EPHA5: variants seen among roughly 807,000 people sequenced by gnomAD.
The protein encoded by EPHA5 is EPH receptor A5.
Under a neutral mutation model 105.0 loss-of-function variants are expected in EPHA5, and 60 were observed. The observed-to-expected ratio is 0.57, with a 90% confidence interval of 0.46 to 0.71. The LOEUF (loss-of-function observed/expected upper bound fraction) is 0.71. Among genes scored for constraint, EPHA5 ranks in the 30% least tolerant of loss-of-function variants. EPHA5 has a pLI of 0.00. For missense variants in EPHA5, 1,218 were observed against 1,274.7 expected (o/e 0.96, Z 0.68); for synonymous variants, 513 against 449.1 (o/e 1.14, Z -1.80).
intron 3 of EPHA5, among the ~76,000 whole-genome samples, chr4:65,592,337 G>A (rs536359351): frequency 4.7e-4 from 72 of 152,086 alleles, no homozygotes; most frequent in African/African-American, 1.6e-3. Context: ...TATCCTTGGC[G>A]GCCCTGCAAG....
chr4:65,657,443 G>A (rs1303686365), intron 1 of EPHA5, among the ~76,000 whole-genome samples: 2 of 152,148 alleles, frequency 1.3e-5, no homozygotes, highest in Non-Finnish European at 2.9e-5. Context: ...AGTGACCACA[G>A]GATGTCTATG....
chr4:65,381,544 G>T (rs2148930828), intron 8 of EPHA5, among the ~76,000 whole-genome samples: 1 of 151,820 alleles, frequency 6.6e-6, no homozygotes, highest in Non-Finnish European at 1.5e-5. Flanking sequence ...TGATTAAAAA[G>T]AATTTAAACA....
At chr4:65,437,067 C>T (rs62298042) in intron 5 of EPHA5, among the ~76,000 whole-genome samples, 15,332 of 151,764 alleles carry the variant, frequency 0.1, 1,021 homozygotes, top group Middle Eastern at 0.22. Context: ...AATATGTAAA[C>T]GAGATTAAAA....
intron 13 of EPHA5, among the ~76,000 whole-genome samples, chr4:65,348,697 TAA>T (rs869280297): frequency 0.065 from 1,576 of 24,258 alleles, 80 homozygotes; most frequent in South Asian, 0.17. Flanking sequence ...TATATATATA[TAA>T]AATATATATG....
chr4:65,591,109 G>C (rs187856560), intron 3 of EPHA5, among the ~76,000 whole-genome samples: 1 of 152,100 alleles, frequency 6.6e-6, no homozygotes, highest in East Asian at 1.9e-4. Context: ...TTATTAAGGT[G>C]ATGAAACAAG....
intron 3 of EPHA5, among the ~76,000 whole-genome samples, chr4:65,517,154 A>G (rs575129377): frequency 3.7e-4 from 57 of 152,138 alleles, no homozygotes; most frequent in Non-Finnish European, 6.8e-4. Flanking sequence ...TTTTAAATGT[A>G]CATATTTATA....
chr4:65,624,513 G>T (rs1028575469), intron 2 of EPHA5, among the ~76,000 whole-genome samples: 2 of 152,094 alleles, frequency 1.3e-5, no homozygotes, highest in Non-Finnish European at 2.9e-5. Context: ...AAATCCTATT[G>T]TTATAACTCT....
chr4:65,635,248 T>C (rs945726116), intron 2 of EPHA5, among the ~76,000 whole-genome samples: 3 of 152,066 alleles, frequency 2.0e-5, no homozygotes, highest in Admixed American at 1.3e-4. Flanking sequence ...ACTTTTTCTT[T>C]CTCCTCCAGG....
intron 9 of EPHA5, 49 bp from the exon 10 acceptor site, chr4:65,366,106 C>T (rs1200811838): frequency 6.6e-7 from 1 of 1,521,736 alleles, no homozygotes; most frequent in Non-Finnish European, 9.0e-7. Context: ...GATGGATGAG[C>T]AAAATTATGA....
At chr4:65,608,854 A>G (rs1272648700) in intron 2 of EPHA5, among the ~76,000 whole-genome samples, 1 of 152,236 alleles carries the variant, frequency 6.6e-6, no homozygotes, top group East Asian at 1.9e-4. Context: ...GTCTACAATT[A>G]GAAATCTGTG....
intron 3 of EPHA5, among the ~76,000 whole-genome samples, chr4:65,574,645 T>TATATATATATACAC (rs1740638204): frequency 2.4e-5 from 3 of 124,796 alleles, no homozygotes; most frequent in Non-Finnish European, 3.4e-5. Flanking sequence ...TATATACACA[T>TATATATATATACAC]ATATATACAC....
At chr4:65,427,820 CT>C (rs1724592313) in intron 5 of EPHA5, among the ~76,000 whole-genome samples, 1 of 152,128 alleles carries the variant, frequency 6.6e-6, no homozygotes, top group African/African-American at 2.4e-5. Flanking sequence ...TCATGTCTGT[CT>C]TTCAGTATCT....
Position 65,591,843 on chromosome 4 carries a change from C to CT in EPHA5, c.910+9797dup, listed in dbSNP as rs558732810. Among the ~76,000 whole-genome samples the CT allele has an allele frequency of 1.6e-3, 250 of 151,692 alleles. 2 individuals are homozygous for CT. The highest frequency in any genetic ancestry group is 5.8e-3 in the African/African-American group (240 of 41,088). On this transcript the variant is annotated intron_variant, in intron 3 of 16. Coordinates refer to ENST00000613740, the MANE Select transcript of EPHA5 (RefSeq NM_001281766.3). ...AATTTTTCAGACAGCTTAACTAATA[C>CT]TTTTTTAGATACTAACTATTTAGTA...
intron 16 of EPHA5, among the ~76,000 whole-genome samples, chr4:65,325,310 C>T (rs1441323959): frequency 6.6e-6 from 1 of 151,302 alleles, no homozygotes; most frequent in Non-Finnish European, 1.5e-5. Context: ...TTCAAAGAAA[C>T]TCTTAATTAT....
intron 3 of EPHA5, among the ~76,000 whole-genome samples, chr4:65,555,517 A>G (rs935665938): frequency 1.3e-5 from 2 of 151,884 alleles, no homozygotes; most frequent in Admixed American, 6.6e-5. Context: ...TACCTATGTA[A>G]CAATCCTGCA....
chr4:65,566,352 A>T (rs996909774), intron 3 of EPHA5, among the ~76,000 whole-genome samples: 3 of 151,798 alleles, frequency 2.0e-5, no homozygotes, highest in Non-Finnish European at 4.4e-5. Context: ...CTTCATATCC[A>T]GTTGCATCAC....
At chr4:65,424,567 T>G (rs1724243429) in intron 5 of EPHA5, among the ~76,000 whole-genome samples, 1 of 152,086 alleles carries the variant, frequency 6.6e-6, no homozygotes, top group South Asian at 2.1e-4. Context: ...ATATCGGTTG[T>G]AAAATATTAG....
rs561782502 is a variant in EPHA5, at chr4:65,602,591, C to A, written c.247-287G>T. On this transcript the variant is annotated intron_variant, in intron 2 of 16. Coordinates refer to ENST00000613740, the MANE Select transcript of EPHA5 (RefSeq NM_001281766.3). The stretch of plus-strand genomic sequence containing the variant: ...TGCCCCAGGGCAGGAAGGAACCATG[C>A]ATTTCAGAGTAAAAGTAAAAGAAAT... 6.6e-5 allele frequency among the ~76,000 whole-genome samples: 10 copies of A among 152,132 alleles called. No homozygotes were observed. In the South Asian group the frequency reaches 1.5e-3, roughly 22 times the overall value.
At chr4:65,410,162 A>T (rs1560507415) in intron 7 of EPHA5, among the ~76,000 whole-genome samples, 3 of 152,320 alleles carry the variant, frequency 2.0e-5, no homozygotes, top group East Asian at 1.9e-4. Context: ...CAGCCCTGAC[A>T]TCCTTCAACA....
Sources: gnomAD v4.1 joint callset for allele counts (sites outside exome capture counted in the v4.1 genomes callset) on GRCh38, gnomAD v4.1.1 for gene constraint, MANE v1.5 for transcripts, NCBI Gene and HGNC (gene_info 2026-07-23, HGNC 2026-07-21) for gene names.